GPC5: variants seen among roughly 807,000 people sequenced by gnomAD.
GPC5 encodes glypican-5.
GPC5 carries 47 observed loss-of-function variants against 53.9 expected under a neutral mutation model. The ratio of observed to expected loss-of-function variants is 0.87; its 90% CI spans 0.69 to 1.11. GPC5 has a LOEUF of 1.11. Among genes scored for constraint, GPC5 ranks in the 50% most tolerant of loss-of-function variants. The pLI, the probability that GPC5 is intolerant of heterozygous loss-of-function variation, is 0.00. For synonymous variants in GPC5, 286 were observed against 263.3 expected (o/e 1.09, Z -0.84); for missense variants, 748 against 713.1 (o/e 1.05, Z -0.56).
At chr13:92,043,426 G>T (rs928575162) in intron 6 of GPC5, among the ~76,000 whole-genome samples, 5 of 152,134 alleles carry the variant, frequency 3.3e-5, no homozygotes, top group Admixed American at 1.3e-4. Flanking sequence ...GGGAAGAAAG[G>T]GGGTATAGTA....
At chr13:92,854,703 A>G (rs1267212824) in intron 7 of GPC5, among the ~76,000 whole-genome samples, 1 of 151,988 alleles carries the variant, frequency 6.6e-6, no homozygotes, top group African/African-American at 2.4e-5. Flanking sequence ...GGCAAATCCA[A>G]AAGAGGATGA....
chr13:92,684,254 CTTTTTTA>C (rs939078265), intron 7 of GPC5, among the ~76,000 whole-genome samples: 3 of 151,728 alleles, frequency 2.0e-5, no homozygotes, highest in Non-Finnish European at 4.4e-5. Context: ...CTTTCTTTCT[CTTTTTTA>C]TTTTTTATTT....
intron 6 of GPC5, among the ~76,000 whole-genome samples, chr13:91,973,010 G>A (rs868345188): frequency 6.6e-6 from 1 of 152,204 alleles, no homozygotes; most frequent in Middle Eastern, 3.4e-3. Context: ...CTGAATGTTG[G>A]CCTGCCTTGC....
intron 7 of GPC5, among the ~76,000 whole-genome samples, chr13:92,519,668 A>G (rs1880949659): frequency 1.3e-5 from 2 of 152,186 alleles, no homozygotes; most frequent in Admixed American, 1.3e-4. Context: ...TGCCCACAAG[A>G]GAAAGCAGGA....
chr13:92,841,402 G>A (rs1566441084), intron 7 of GPC5, among the ~76,000 whole-genome samples: 1 of 152,038 alleles, frequency 6.6e-6, no homozygotes, highest in Non-Finnish European at 1.5e-5. Flanking sequence ...TATATAAAAT[G>A]TATAGTATAG....
At chr13:92,725,788 T>A (rs539221425) in intron 7 of GPC5, among the ~76,000 whole-genome samples, 1 of 151,780 alleles carries the variant, frequency 6.6e-6, no homozygotes, top group African/African-American at 2.4e-5. Flanking sequence ...GAGAAAAATT[T>A]AGATCTAAAT....
chr13:92,502,980 A>G (rs946928299), intron 7 of GPC5, among the ~76,000 whole-genome samples: 30 of 152,022 alleles, frequency 2.0e-4, no homozygotes, highest in Admixed American at 1.6e-3. Flanking sequence ...AATTAAAATC[A>G]CACATAATGT....
intron 7 of GPC5, among the ~76,000 whole-genome samples, chr13:92,412,520 G>A (rs933883908): frequency 8.5e-5 from 13 of 152,122 alleles, no homozygotes; most frequent in South Asian, 4.1e-4. Flanking sequence ...TTCTTAAACC[G>A]TTGGAAAACT....
chr13:92,310,652 T>C (rs1248001955), intron 7 of GPC5, among the ~76,000 whole-genome samples: 2 of 152,190 alleles, frequency 1.3e-5, no homozygotes, highest in Non-Finnish European at 2.9e-5. Flanking sequence ...TAGAAAGGGA[T>C]AGGCCTTCCC....
intron 7 of GPC5, among the ~76,000 whole-genome samples, chr13:92,365,450 T>A (rs2043600243): frequency 6.6e-6 from 1 of 151,674 alleles, no homozygotes; most frequent in African/African-American, 2.4e-5. Context: ...GACACTACAC[T>A]AGACTTTTAA....
At chr13:92,217,225 C>G (rs903271050) in intron 7 of GPC5, among the ~76,000 whole-genome samples, 2 of 152,174 alleles carry the variant, frequency 1.3e-5, no homozygotes. Flanking sequence ...AGAAAGCATA[C>G]TTTTAACTAC....
At chr13:92,627,633 G>A (rs1195553449) in intron 7 of GPC5, among the ~76,000 whole-genome samples, 1 of 152,130 alleles carries the variant, frequency 6.6e-6, no homozygotes, top group African/African-American at 2.4e-5. Context: ...AGCAGTCCAT[G>A]ATGAGACATA....
At position 92,602,197 on chromosome 13, in the gene GPC5, AAT is replaced by A. The variant is rs562433719; in HGVS notation, c.1562-264076_1562-264075del. Among the ~76,000 whole-genome samples, 168 of 133,910 alleles carry A rather than the reference AAT, an allele frequency of 1.3e-3. 2 individuals are homozygous for A. The highest frequency in any genetic ancestry group is 4.1e-3 in the African/African-American group (150 of 36,670). 87.9% of individuals were successfully genotyped at this position (133,910 alleles called of 152,430 possible). The stretch of plus-strand genomic sequence containing the variant: ...ACACTATATATATTACATATATATA[AAT>A]ATATATATTACATATATATAAATAT... On this transcript the variant is annotated intron_variant, in intron 7 of 7. Transcript: ENST00000377067.
At chr13:91,663,911 G>A (rs143158690) in intron 2 of GPC5, among the ~76,000 whole-genome samples, 112 of 152,186 alleles carry the variant, frequency 7.4e-4, no homozygotes, top group African/African-American at 2.6e-3. Context: ...TCGTGGGTTC[G>A]AAGGATCTTC....
intron 7 of GPC5, among the ~76,000 whole-genome samples, chr13:92,384,694 C>T (rs1462355081): frequency 6.6e-6 from 1 of 152,102 alleles, no homozygotes; most frequent in African/African-American, 2.4e-5. Context: ...ATCTGAGCAA[C>T]ACGAAGTGGT....
At chr13:91,483,493 A>G (rs968601700) in intron 2 of GPC5, among the ~76,000 whole-genome samples, 4 of 152,180 alleles carry the variant, frequency 2.6e-5, no homozygotes, top group Non-Finnish European at 5.9e-5. Context: ...GTTGCCTATT[A>G]TGACGCTCAT....
At chr13:92,431,988 T>C (rs1354364981) in intron 7 of GPC5, among the ~76,000 whole-genome samples, 1 of 152,204 alleles carries the variant, frequency 6.6e-6, no homozygotes, top group Admixed American at 6.5e-5. Flanking sequence ...CTGAATTGTG[T>C]CTTCCTCACA....
chr13:92,063,050 G>A (rs7983268), intron 6 of GPC5, among the ~76,000 whole-genome samples: 84,947 of 151,340 alleles, frequency 0.56, 24,207 homozygotes, highest in East Asian at 0.79. Flanking sequence ...AAGCAAATCA[G>A]GAAAGACTCT....
At chr13:92,783,399 G>A (rs565334082) in intron 7 of GPC5, among the ~76,000 whole-genome samples, 1 of 152,238 alleles carries the variant, frequency 6.6e-6, no homozygotes, top group East Asian at 1.9e-4. Flanking sequence ...ATGTCATAAG[G>A]GTGACTCTCC....
Sources: allele counts gnomAD v4.1 joint callset (sites outside exome capture counted in the v4.1 genomes callset), GRCh38; gene constraint gnomAD v4.1.1; transcripts MANE v1.5; gene names NCBI Gene and HGNC (gene_info 2026-07-23, HGNC 2026-07-21).